The following FAM184B variants were observed in gnomAD, a reference collection of about 807,000 sequenced individuals.
The protein encoded by FAM184B is family with sequence similarity 184 member B.
In FAM184B, 111 loss-of-function variants were observed where a neutral mutation model predicts 135.9. The observed-to-expected ratio is 0.82, with a 90% confidence interval of 0.70 to 0.96. FAM184B has a LOEUF of 0.96. FAM184B is among the 40% of genes least tolerant of loss of function. The probability of loss-of-function intolerance (pLI) is 0.00; values close to 1 mark genes in which losing one functional copy is unlikely to be tolerated. For missense variants in FAM184B, 1,375 were observed against 1,323.9 expected, an observed-to-expected ratio of 1.04 and a Z score of -0.60; for synonymous variants, 552 against 524.8, an observed-to-expected ratio of 1.05 and a Z score of -0.71.
In FAM184B at chr4:17,724,234, T is replaced by C. The variant is rs563009935; in HGVS notation, c.142-14590A>G. On this transcript the variant is annotated intron_variant, in intron 1 of 17. Transcript: ENST00000265018. Reference sequence around the variant, plus strand: ...CGTGGTTATCTTTAGATGGTAAGATTATGGGTGATCAATTTTTCTTCTTCT... The same window carrying C: ...CGTGGTTATCTTTAGATGGTAAGATCATGGGTGATCAATTTTTCTTCTTCT... Among the ~76,000 whole-genome samples the C allele has an allele frequency of 1.1e-4, 16 of 152,302 alleles. No homozygotes were observed. The South Asian group carries it at 3.3e-3, about 32-fold the overall frequency.
intron 1 of FAM184B, among the ~76,000 whole-genome samples, chr4:17,712,504 G>A (rs182740397): frequency 2.0e-5 from 3 of 152,290 alleles, no homozygotes; most frequent in African/African-American, 7.2e-5. Context: ...TTTAGCCTTT[G>A]TGGGTTGCTG....
At chr4:17,657,848 G>A (rs111501371) in intron 10 of FAM184B, among the ~76,000 whole-genome samples, 4 of 151,890 alleles carry the variant, frequency 2.6e-5, no homozygotes, top group South Asian at 2.1e-4. Context: ...GTAGAGACAG[G>A]GTTTCACCAT....
At chr4:17,740,817 T>C (rs1434330179) in intron 1 of FAM184B, among the ~76,000 whole-genome samples, 2 of 152,236 alleles carry the variant, frequency 1.3e-5, no homozygotes, top group Non-Finnish European at 2.9e-5. Flanking sequence ...ATGTTTTATG[T>C]GGTGTCTTTC....
rs750477564 is a variant in FAM184B at position 17,709,433 on chromosome 4, G to A, written c.353C>T (p.Ala118Val). 18 of 1,520,176 alleles carry A rather than the reference G, an allele frequency of 1.2e-5. No homozygotes were observed. The highest frequency in any genetic ancestry group is 8.4e-5 in the Admixed American group (4 of 47,548). The allele number at this position is 1,520,176 out of a possible 1,614,324, so 94.2% of individuals were successfully genotyped here. The change falls in exon 2 of 18, where the codon GCG (alanine) becomes GTG (valine). Residue 118 changes from alanine to valine, a missense_variant. Transcript: ENST00000265018. Reference protein sequence around the residue: ...LELQKRLTEEALAESASCRLE... With the variant: ...LELQKRLTEEVLAESASCRLE... ...CCTGCACGAGGCCGACTCAGCCAGCGCCTCCTCCGTCAGCCTCTTTTGCAG... is the reference window on the plus strand; with the variant it reads ...CCTGCACGAGGCCGACTCAGCCAGCACCTCCTCCGTCAGCCTCTTTTGCAG...
At chr4:17,724,607 C>G (rs1317299904) in intron 1 of FAM184B, among the ~76,000 whole-genome samples, 1 of 152,182 alleles carries the variant, frequency 6.6e-6, no homozygotes, top group Non-Finnish European at 1.5e-5. Flanking sequence ...TTAAGAGAGT[C>G]TTGCTGCTGA....
At chr4:17,765,727 G>C (rs1560196394) in intron 1 of FAM184B, among the ~76,000 whole-genome samples, 1 of 152,188 alleles carries the variant, frequency 6.6e-6, no homozygotes, top group Non-Finnish European at 1.5e-5. Context: ...GAAATGGTGG[G>C]TTCTTGGTCT....
intron 1 of FAM184B, among the ~76,000 whole-genome samples, chr4:17,741,014 T>C (rs1718021200): frequency 6.6e-6 from 1 of 152,222 alleles, no homozygotes; most frequent in African/African-American, 2.4e-5. Context: ...GGAAATGGAA[T>C]ATATTTCTGC....
At chr4:17,671,286 C>G (rs1716164482) in intron 7 of FAM184B, among the ~76,000 whole-genome samples, 1 of 152,124 alleles carries the variant, frequency 6.6e-6, no homozygotes, top group Non-Finnish European at 1.5e-5. Flanking sequence ...CCCAAGTTTT[C>G]TAAGGGGGAT....
At chr4:17,715,788 AAG>A (rs56726142) in intron 1 of FAM184B, among the ~76,000 whole-genome samples, 5,925 of 152,226 alleles carry the variant, frequency 0.039, 261 homozygotes, top group African/African-American at 0.1. Context: ...TTTAAAAAAA[AAG>A]AGATTTCTTA....
chr4:17,728,740 G>T (rs1717699662), intron 1 of FAM184B, among the ~76,000 whole-genome samples: 1 of 152,178 alleles, frequency 6.6e-6, no homozygotes. Context: ...GATTACAGTA[G>T]ATTTAAATTT....
At chr4:17,642,505 T>A (rs1006474897) in intron 12 of FAM184B, among the ~76,000 whole-genome samples, 2 of 152,160 alleles carry the variant, frequency 1.3e-5, no homozygotes, top group Non-Finnish European at 2.9e-5. Flanking sequence ...CACTCCACAC[T>A]CCACCTGCCA....
At position 17,632,473 on chromosome 4, in the gene FAM184B, C is replaced by A; in HGVS notation, c.*59G>T. ...GTTGGTGTTAGTTCATTCCTTCAAT[C>A]GGATGATTTAAAATAAATGTTTTTC... On this transcript the variant is annotated 3_prime_UTR_variant, in exon 18 of 18. Coordinates refer to ENST00000265018, the MANE Select transcript of FAM184B (RefSeq NM_015688.2). The A allele has an allele frequency of 7.4e-7, 1 of 1,347,124 alleles. No homozygotes were observed. The highest frequency in any genetic ancestry group is 2.5e-5 in the East Asian group (1 of 39,502). 83.4% of individuals were successfully genotyped at this position (1,347,124 alleles called of 1,614,324 possible). A position where few individuals can be genotyped will look rare whatever the true frequency, so the allele number is the denominator to read the frequency against.
chr4:17,736,840 A>C (rs1415096179), intron 1 of FAM184B, among the ~76,000 whole-genome samples: 1 of 152,124 alleles, frequency 6.6e-6, no homozygotes, highest in Non-Finnish European at 1.5e-5. Context: ...TGGATGGTTC[A>C]ATTATTGAAA....
intron 7 of FAM184B, among the ~76,000 whole-genome samples, chr4:17,667,110 C>T (rs1007637504): frequency 2.0e-5 from 3 of 151,920 alleles, no homozygotes; most frequent in African/African-American, 7.3e-5. Flanking sequence ...AGGTATACAC[C>T]CACCATGCCT....
rs1047385001 is a variant in FAM184B at position 17,709,558 on chromosome 4, A to T, written c.228T>A (p.Asn76Lys). 2 of 1,550,534 alleles carry T rather than the reference A, an allele frequency of 1.3e-6. No individual in the cohort carries two copies. Among genetic ancestry groups the T allele is most frequent in the Non-Finnish European group, 1.7e-6 (2 of 1,146,904 alleles). ...LREAHQEELQ[N>K]AVAETKARLL... ...GCCTGGCCTTGGTCTCTGCCACCGC[A>T]TTCTGGAGCTCCTCCTGGTGCGCTT... The change falls in exon 2 of 18, where the codon AAT becomes AAA. Residue 76 changes from asparagine to lysine, a missense_variant. Transcript: ENST00000265018.
chr4:17,636,837 C>T (rs924758735), intron 14 of FAM184B, among the ~76,000 whole-genome samples, 192 bp from the exon 15 acceptor site: 1 of 152,154 alleles, frequency 6.6e-6, no homozygotes, highest in Non-Finnish European at 1.5e-5. Context: ...CTGTCAGGTC[C>T]CCTGAGGCTG....
chr4:17,666,244 T>A (rs1716046173), intron 7 of FAM184B, among the ~76,000 whole-genome samples: 1 of 151,962 alleles, frequency 6.6e-6, no homozygotes, highest in Non-Finnish European at 1.5e-5. Flanking sequence ...CAATGTAAAG[T>A]CCTTAGAACA....
At chr4:17,742,168 A>ATATATTTTT (rs1459958150) in intron 1 of FAM184B, among the ~76,000 whole-genome samples, 12 of 109,294 alleles carry the variant, frequency 1.1e-4, no homozygotes, top group African/African-American at 5.8e-4. Flanking sequence ...ATATATATAT[A>ATATATTTTT]TTTTTTTTTT....
At chr4:17,639,678 A>G (rs1227633691) in intron 13 of FAM184B, among the ~76,000 whole-genome samples, 1 of 152,120 alleles carries the variant, frequency 6.6e-6, no homozygotes, top group Non-Finnish European at 1.5e-5. Context: ...GCAGCCCTGC[A>G]GGGGAGCCCC....
Sources: gnomAD v4.1 joint callset for allele counts (sites outside exome capture counted in the v4.1 genomes callset) on GRCh38, gnomAD v4.1.1 for gene constraint, MANE v1.5 for transcripts, NCBI Gene and HGNC (gene_info 2026-07-23, HGNC 2026-07-21) for gene names.